RABGAP1L: variants seen among roughly 807,000 people sequenced by gnomAD.
RABGAP1L encodes the protein RAB GTPase activating protein 1 like, also known as rab GTPase-activating protein 1-like.
In RABGAP1L, 63 loss-of-function variants were observed where a neutral mutation model predicts 137.7. The observed-to-expected ratio is 0.46, with a 90% CI of 0.37 to 0.56. The LOEUF (loss-of-function observed/expected upper bound fraction) is 0.56. Among genes scored for constraint, RABGAP1L ranks in the 20% least tolerant of loss-of-function variants. RABGAP1L has a pLI of 0.00. For synonymous variants in RABGAP1L, 431 were observed against 433.7 expected (o/e 0.99, Z 0.08); for missense variants, 1,095 against 1,244.0 (o/e 0.88, Z 1.80).
At chr1:174,674,557 C>T (rs865834142) in intron 14 of RABGAP1L, among the ~76,000 whole-genome samples, 4,129 of 149,924 alleles carry the variant, frequency 0.028, 103 homozygotes, top group Middle Eastern at 0.07. Flanking sequence ...TACGTGTGCA[C>T]GTGTCTTTAT....
intron 11 of RABGAP1L, among the ~76,000 whole-genome samples, chr1:174,315,624 T>TTTTGCC (rs1157314103): frequency 1.4e-5 from 1 of 73,468 alleles, no homozygotes; most frequent in African/African-American, 6.8e-5. Context: ...TTTCTTGCCT[T>TTTTGCC]TTTTTTTTTT....
intron 19 of RABGAP1L, among the ~76,000 whole-genome samples, chr1:174,904,437 G>A (rs1194295775): frequency 1.3e-5 from 2 of 152,162 alleles, no homozygotes; most frequent in Non-Finnish European, 2.9e-5. Context: ...CCTGGCAGGA[G>A]ACCTGTTCTT....
intron 17 of RABGAP1L, among the ~76,000 whole-genome samples, chr1:174,728,118 T>G (rs1344285925): frequency 6.6e-6 from 1 of 152,226 alleles, no homozygotes; most frequent in East Asian, 1.9e-4. Context: ...GTCCAAGCAT[T>G]ATGACCTACA....
chr1:174,384,121 T>G (rs1227639746), intron 12 of RABGAP1L, among the ~76,000 whole-genome samples: 2 of 152,226 alleles, frequency 1.3e-5, no homozygotes, highest in Non-Finnish European at 2.9e-5. Context: ...TGATATACAT[T>G]ACAACTGATG....
At chr1:174,765,968 C>T (rs60811893) in intron 18 of RABGAP1L, among the ~76,000 whole-genome samples, 33,999 of 152,012 alleles carry the variant, frequency 0.22, 4,047 homozygotes, top group Admixed American at 0.25. Flanking sequence ...AAGTCGTAAC[C>T]CCTAGTTACT....
At chr1:174,695,185 C>G (rs116771957) in intron 15 of RABGAP1L, among the ~76,000 whole-genome samples, 2,601 of 152,142 alleles carry the variant, frequency 0.017, 65 homozygotes, top group African/African-American at 0.06. Context: ...CATTTATTTT[C>G]TAATATTCTA....
intron 13 of RABGAP1L, among the ~76,000 whole-genome samples, chr1:174,619,145 C>A (rs145252141): frequency 3.9e-5 from 6 of 152,022 alleles, no homozygotes; most frequent in African/African-American, 9.7e-5. Context: ...CTATGTGAAA[C>A]GACCAAATCT....
intron 19 of RABGAP1L, among the ~76,000 whole-genome samples, chr1:174,933,118 T>A (rs926203085): frequency 2.0e-5 from 3 of 151,492 alleles, no homozygotes; most frequent in Non-Finnish European, 4.4e-5. Context: ...ATACATACAT[T>A]TATACATACA....
intron 13 of RABGAP1L, among the ~76,000 whole-genome samples, chr1:174,438,895 G>C (rs1653793298): frequency 6.6e-6 from 1 of 150,438 alleles, no homozygotes; most frequent in South Asian, 2.1e-4. Flanking sequence ...TTTAAATTTT[G>C]TTTCCTACTG....
intron 13 of RABGAP1L, among the ~76,000 whole-genome samples, chr1:174,451,058 A>G (rs998044390): frequency 2.6e-5 from 4 of 152,236 alleles, no homozygotes; most frequent in African/African-American, 4.8e-5. Context: ...CCTCAGTTTA[A>G]TAAAACACTT....
chr1:174,587,703 A>G (rs1307345602), intron 13 of RABGAP1L, among the ~76,000 whole-genome samples: 1 of 152,244 alleles, frequency 6.6e-6, no homozygotes, highest in East Asian at 1.9e-4. Context: ...ATAAAAAGTA[A>G]TGAGTACATA....
At chr1:174,372,674 C>G (rs1427754440) in intron 12 of RABGAP1L, among the ~76,000 whole-genome samples, 1 of 152,144 alleles carries the variant, frequency 6.6e-6, no homozygotes, top group Non-Finnish European at 1.5e-5. Context: ...AGTCACGTCT[C>G]TCTCAAGACT....
At chr1:174,258,164 A>G (rs1673277626) in intron 7 of RABGAP1L, among the ~76,000 whole-genome samples, 1 of 152,256 alleles carries the variant, frequency 6.6e-6, no homozygotes, top group Admixed American at 6.5e-5. Context: ...CTATATTGGT[A>G]AAAGAAACAT....
intron 1 of RABGAP1L, among the ~76,000 whole-genome samples, chr1:174,195,042 T>TA (rs1223581327): frequency 6.7e-6 from 1 of 148,986 alleles, no homozygotes; most frequent in Admixed American, 6.7e-5. Flanking sequence ...ATATATATAT[T>TA]TGGATAATTA....
At chr1:174,988,964 G>A (rs1671840445) in intron 25 of RABGAP1L, 126 bp downstream of exon 25, 1 of 749,728 alleles carries the variant, frequency 1.3e-6, no homozygotes, top group Non-Finnish European at 2.0e-6. Flanking sequence ...GTCTGCTAAT[G>A]TGTCCTGCAT....
intron 19 of RABGAP1L, among the ~76,000 whole-genome samples, chr1:174,839,419 T>C (rs1693147814): frequency 6.6e-6 from 1 of 152,186 alleles, no homozygotes; most frequent in South Asian, 2.1e-4. Context: ...ATACAGCTGT[T>C]CTATGAGTTC....
At chr1:174,341,490 C>G (rs190441783) in intron 11 of RABGAP1L, among the ~76,000 whole-genome samples, 16 of 152,246 alleles carry the variant, frequency 1.1e-4, no homozygotes, top group African/African-American at 3.4e-4. Flanking sequence ...GAGGGAAGTT[C>G]AGTTTAACAA....
chr1:174,686,784 G>A (rs566813908), intron 15 of RABGAP1L, among the ~76,000 whole-genome samples: 2 of 149,838 alleles, frequency 1.3e-5, no homozygotes, highest in East Asian at 4.0e-4. Context: ...AGCCTCCAGA[G>A]TAGTGGGACT....
Position 174,768,331 on chromosome 1 carries a change from G to A in RABGAP1L, c.2211+15977G>A, listed in dbSNP as rs146014263. On this transcript the variant is annotated intron_variant, in intron 18 of 25. Transcript: ENST00000681986. ...ATCTAACATAATGGTTGTAGCTTGC[G>A]CCAGGGAAAGGCTGTCTCCCAATAG... Among the ~76,000 whole-genome samples, 9 of 152,242 alleles carry A rather than the reference G, an allele frequency of 5.9e-5. No homozygotes were observed. The East Asian group carries it at 9.7e-4, about 16-fold the overall frequency.
Sources: allele counts gnomAD v4.1 joint callset (sites outside exome capture counted in the v4.1 genomes callset), GRCh38; gene constraint gnomAD v4.1.1; transcripts MANE v1.5; gene names NCBI Gene and HGNC (gene_info 2026-07-23, HGNC 2026-07-21).